The following CENPB variants were observed in gnomAD, a reference collection of about 807,000 sequenced individuals.
CENPB encodes major centromere autoantigen B.
A neutral mutation model predicts 41.9 loss-of-function variants in CENPB; 19 were observed. The observed-to-expected ratio is 0.45, with a 90% CI of 0.32 to 0.67. The LOEUF is 0.67. CENPB is among the 30% of genes least tolerant of loss of function. CENPB has a pLI of 0.04. For missense variants in CENPB, 614 were observed against 816.2 expected, an observed-to-expected ratio of 0.75 and a Z score of 3.02; for synonymous variants, 399 against 354.4, an observed-to-expected ratio of 1.13 and a Z score of -1.41.
In CENPB at chr20:3,785,619, ACT is replaced by A; in HGVS notation, c.863_864del (p.Glu288ValfsTer98). The A allele has an allele frequency of 6.2e-7, 1 of 1,604,262 alleles. No homozygotes were observed. Among genetic ancestry groups the A allele is most frequent in the Non-Finnish European group, 8.5e-7 (1 of 1,175,768 alleles). ...CCGGCCAACAGCAGGACCCGGCGAGACTCTGCAGCCATTCGGGTGTCCAAGGC... is the reference window on the plus strand; with the variant it reads ...CCGGCCAACAGCAGGACCCGGCGAGACTGCAGCCATTCGGGTGTCCAAGGC... ...LKALDTRMAAESRRVLLLAGR... is the reference protein window; with the variant it reads ...LKALDTRMAAXSRRVLLLAGR... On this transcript the variant is annotated frameshift_variant, in exon 1 of 1. Transcript: ENST00000379751. LOFTEE classifies it high-confidence loss of function.
In CENPB at chr20:3,785,934, C is replaced by T; in HGVS notation, c.550G>A (p.Glu184Lys). The T allele has an allele frequency of 1.9e-6, 3 of 1,597,710 alleles. No homozygotes were observed. Among genetic ancestry groups the T allele is most frequent in the Non-Finnish European group, 2.6e-6 (3 of 1,176,146 alleles). ...AACACGTCCTGCGAGGCGTAGCCCT[C>T]GGCCACCGACGGCGGCTGCTCCTCC... ...AREEQPPSVA[E>K]GYASQDVFSA... Residue 184 changes from glutamate (E) to lysine (K), a missense_variant, in exon 1 of 1, where the codon GAG (glutamate) becomes AAG (lysine). By Grantham distance (56) the Glu-to-Lys change is moderately conservative. Transcript: ENST00000379751.
Position 3,785,482 on chromosome 20 carries a change from C to A in CENPB, c.1002G>T (p.Lys334Asn), listed in dbSNP as rs761275404. Residue 334 changes from lysine to asparagine, a missense_variant, in exon 1 of 1, where the codon AAG becomes AAT. This residue lies in a region of CENPB where 537 missense variants were observed against 629.4 expected (regional missense o/e 0.85). Coordinates refer to ENST00000379751, the MANE Select transcript of CENPB (RefSeq NM_001810.6). ...PLERGVVQQV[K>N]GHYRQAMLLK... ...GCAGCATGGCCTGGCGGTAGTGGCC[C>A]TTCACCTGCTGGACCACTCCCCTCT... 33 of 1,591,586 alleles carry A rather than the reference C, an allele frequency of 2.1e-5. No individual in the cohort carries two copies. The highest frequency in any genetic ancestry group is 2.7e-5 in the African/African-American group (2 of 74,600).
rs2088800730 is a variant in CENPB, at chr20:3,784,596, G to A, written c.*88C>T. 4 of 1,473,862 alleles carry A rather than the reference G, an allele frequency of 2.7e-6. No individual in the cohort carries two copies. Among genetic ancestry groups the A allele is most frequent in the Non-Finnish European group, 3.7e-6 (4 of 1,074,620 alleles). The allele number at this position is 1,473,862 out of a possible 1,614,324, so 91.3% of individuals were successfully genotyped here. A position where few individuals can be genotyped will look rare whatever the true frequency, so the allele number is the denominator to read the frequency against. On this transcript the variant is annotated 3_prime_UTR_variant, in exon 1 of 1. Coordinates refer to ENST00000379751, the MANE Select transcript of CENPB (RefSeq NM_001810.6). The surrounding 1 kb of genome is among the most constrained non-coding windows in gnomAD (Gnocchi z 5.2). ...TAAAGGATCTGGGGCTCTGCACTCT[G>A]GCTCCATGCACAGCGGGTGCCCAGA... is the stretch of plus-strand genomic sequence containing the variant.
At position 3,785,972 on chromosome 20, in the gene CENPB, C is replaced by G; in HGVS notation, c.512G>C (p.Gly171Ala). 1 of 1,539,188 alleles carries G rather than the reference C, an allele frequency of 6.5e-7. No homozygotes were observed. The highest frequency in any genetic ancestry group is 1.2e-5 in the South Asian group (1 of 85,086). The change falls in exon 1 of 1, where the codon GGT becomes GCT. Residue 171 changes from glycine (G) to alanine (A), a missense_variant. Transcript: ENST00000379751. The part of the protein sequence containing the change: ...PSEGSGGSTT[G>A]WRAREEQPPS... ...CGGCTGCTCCTCCCGAGCGCGCCAA[C>G]CAGTAGTGCTCCCGCCACTGCCCTC... is the stretch of plus-strand genomic sequence containing the variant.
In CENPB at chr20:3,784,458, T is replaced by C; in HGVS notation, c.*226A>G. On this transcript the variant is annotated 3_prime_UTR_variant, in exon 1 of 1. Transcript: ENST00000379751. This position sits in a 1 kb window ranked among gnomAD's most constrained non-coding sequence, Gnocchi z 5.2. Reference sequence around the variant, plus strand: ...CTGGTCCCCTGAGCCCAGGGCCAAATGGGGAGGAAAGAGGATTCTGAGAAA... The same window carrying C: ...CTGGTCCCCTGAGCCCAGGGCCAAACGGGGAGGAAAGAGGATTCTGAGAAA... The C allele has an allele frequency of 5.5e-6, 3 of 544,718 alleles. No homozygotes were observed. The highest frequency in any genetic ancestry group is 4.1e-5 in the South Asian group (2 of 48,738). 33.7% of individuals were successfully genotyped at this position (544,718 alleles called of 1,614,324 possible).
Position 3,786,142 on chromosome 20 carries a change from G to A in CENPB, c.342C>T (p.Asp114=). ...ALRIAEELGM[D]DFTASNGWLD... Reference sequence around the variant, plus strand: ...GCCAGCCGTTGGAGGCGGTGAAGTCGTCCATGCCCAGCTCCTCGGCTATGC... The same window carrying A: ...GCCAGCCGTTGGAGGCGGTGAAGTCATCCATGCCCAGCTCCTCGGCTATGC... Residue 114 remains aspartate, a synonymous_variant, in exon 1 of 1, where the codon GAC becomes GAT. Coordinates refer to ENST00000379751, the MANE Select transcript of CENPB (RefSeq NM_001810.6). The A allele has an allele frequency of 8.8e-6, 14 of 1,597,976 alleles. No individual in the cohort carries two copies. Among genetic ancestry groups the A allele is most frequent in the Non-Finnish European group, 1.2e-5 (14 of 1,179,164 alleles).
In CENPB at chr20:3,785,075, C is replaced by A; in HGVS notation, c.1409G>T (p.Gly470Val). 1.9e-6 allele frequency: 3 copies of A among 1,613,642 alleles called. 1 individual carries two copies. Among genetic ancestry groups the A allele is most frequent in the South Asian group, 2.2e-5 (2 of 91,014 alleles). Residue 470 changes from glycine to valine, a missense_variant, in exon 1 of 1, where the codon GGC becomes GTC. Physicochemically the swap from Gly to Val is moderately radical, Grantham distance 109. Coordinates refer to ENST00000379751, the MANE Select transcript of CENPB (RefSeq NM_001810.6). ...CTGGGCCCAGTCCTCAGCCTCCAAG[C>A]CCTCCGAGGAGCTCTCCTCATCTTC... ...EEEDEESSSEGLEAEDWAQGV... is the reference protein window; with the variant it reads ...EEEDEESSSEVLEAEDWAQGV...
Position 3,786,268 on chromosome 20 carries a change from A to T in CENPB, c.216T>A (p.Ser72=). The T allele has an allele frequency of 6.2e-7, 1 of 1,607,280 alleles. No individual in the cohort carries two copies. The highest frequency in any genetic ancestry group is 8.5e-7 in the Non-Finnish European group (1 of 1,179,406). ...ASTCRKTNKL[S]PYDKLEGLLI... is the part of the protein sequence containing the mutation. The stretch of plus-strand genomic sequence containing the variant: ...GCAAGCCCTCGAGCTTGTCGTAGGG[A>T]GACAGCTTGTTGGTCTTGCGGCAGG... The change falls in exon 1 of 1, where the codon TCT becomes TCA. Residue 72 remains serine (S), a synonymous_variant. Transcript: ENST00000379751.
Position 3,786,029 on chromosome 20 carries a change from G to A in CENPB, c.455C>T (p.Ala152Val). 2 of 1,421,816 alleles carry A rather than the reference G, an allele frequency of 1.4e-6. No individual in the cohort carries two copies. The highest frequency in any genetic ancestry group is 9.1e-7 in the Non-Finnish European group (1 of 1,101,322). The allele number at this position is 1,421,816 out of a possible 1,614,324, so 88.1% of individuals were successfully genotyped here. ...RARNAAPRTPAAPASPAAVPS... is the reference protein window; with the variant it reads ...RARNAAPRTPVAPASPAAVPS... ...CACCGCGGCCGGACTGGCAGGCGCCGCCGGGGTGCGGGGGGCAGCGTTTCG... is the reference window on the plus strand; with the variant it reads ...CACCGCGGCCGGACTGGCAGGCGCCACCGGGGTGCGGGGGGCAGCGTTTCG... The change falls in exon 1 of 1, where the codon GCG becomes GTG. Residue 152 changes from alanine (A) to valine (V), a missense_variant. This residue lies in a region of CENPB where 537 missense variants were observed against 629.4 expected (regional missense o/e 0.85). Transcript: ENST00000379751.
Position 3,785,872 on chromosome 20 carries a change from C to T in CENPB, c.612G>A (p.Leu204=). 1.2e-6 allele frequency: 2 copies of T among 1,608,594 alleles called. No homozygotes were observed. Among genetic ancestry groups the T allele is most frequent in the Non-Finnish European group, 8.5e-7 (1 of 1,178,526 alleles). ...ATETSLWYDF[L]PDQAAGLCGG... ...CGCACAGCCCCGCGGCCTGGTCGGG[C>T]AGGAAGTCGTACCATAGACTGGTCT... Residue 204 remains leucine, a synonymous_variant, in exon 1 of 1, where the codon CTG becomes CTA. Transcript: ENST00000379751.
At position 3,785,172 on chromosome 20, in the gene CENPB, C is replaced by T. The variant is rs144899160; in HGVS notation, c.1312G>A (p.Glu438Lys). 2,392 of 850,670 alleles carry T rather than the reference C, an allele frequency of 2.8e-3. 2 individuals carry two copies. The highest frequency in any genetic ancestry group is 3.6e-3 in the Non-Finnish European group (2,083 of 572,134). The allele number at this position is 850,670 out of a possible 1,614,324, so 52.7% of individuals were successfully genotyped here. Residue 438 changes from glutamate to lysine, a missense_variant, in exon 1 of 1, where the codon GAA becomes AAA. By Grantham distance (56) the Glu-to-Lys change is moderately conservative. Transcript: ENST00000379751. ...TCTTCCTCCCCCAATTCCTCTCCTT[C>T]CCCCCCTTCCTCCTCCTCCTCCTCC... Reference protein sequence around the residue: ...EGEEEEEEGGEGEELGEEEEV... With the variant: ...EGEEEEEEGGKGEELGEEEEV...
In CENPB at chr20:3,784,409, C is replaced by A; in HGVS notation, c.*275G>T. ...CACTGAGGGCACGGTGTGGTAGCAC[C>A]GGACAGCTCCCCACCCGCCCCACCT... On this transcript the variant is annotated 3_prime_UTR_variant, in exon 1 of 1. Transcript: ENST00000379751. The surrounding 1 kb of genome is among the most constrained non-coding windows in gnomAD (Gnocchi z 5.2). The A allele has an allele frequency of 2.2e-6, 1 of 457,480 alleles. No individual in the cohort carries two copies. Among genetic ancestry groups the A allele is most frequent in the South Asian group, 2.2e-5 (1 of 45,628 alleles). The allele number at this position is 457,480 out of a possible 1,614,324, so 28.3% of individuals were successfully genotyped here. A position where few individuals can be genotyped will look rare whatever the true frequency, so the allele number is the denominator to read the frequency against.
Position 3,785,290 on chromosome 20 carries a change from G to A in CENPB, c.1194C>T (p.Thr398=). 8 of 1,593,774 alleles carry A rather than the reference G, an allele frequency of 5.0e-6. No homozygotes were observed. The highest frequency in any genetic ancestry group is 6.8e-6 in the Non-Finnish European group (8 of 1,172,242). ...CCTCTCCCTCACTCTTGAGGGAAGT[G>A]GTGATGGTGGCATTAGGGCCACCCC... The part of the protein sequence containing the change: ...GFGGGPNATI[T]TSLKSEGEEE... Residue 398 remains threonine, a synonymous_variant, in exon 1 of 1, where the codon ACC becomes ACT. Coordinates refer to ENST00000379751, the MANE Select transcript of CENPB (RefSeq NM_001810.6).
chr20:3,784,746 G>A lies in CENPB; in HGVS notation c.1738C>T (p.His580Tyr), dbSNP rs770202423. The change falls in exon 1 of 1, where the codon CAT (histidine) becomes TAT (tyrosine). Residue 580 changes from histidine (H) to tyrosine (Y), a missense_variant. His to Tyr is a moderately conservative substitution (Grantham distance 83, BLOSUM62 2). Coordinates refer to ENST00000379751, the MANE Select transcript of CENPB (RefSeq NM_001810.6). This position sits in a 1 kb window ranked among gnomAD's most constrained non-coding sequence, Gnocchi z 5.2. ...CTGGCGTGGTTCTTCCTGGTCACAT[G>A]AACCAGATCGTGTTCCAAGTGGAGG... ...HILHLEHDLV[H>Y]VTRKNHARQA... 2 of 1,614,042 alleles carry A rather than the reference G, an allele frequency of 1.2e-6. No individual in the cohort carries two copies. Among genetic ancestry groups the A allele is most frequent in the Admixed American group, 1.7e-5 (1 of 60,002 alleles).
rs529589115 is a variant in CENPB at position 3,783,881 on chromosome 20, G to A, written c.*803C>T. On this transcript the variant is annotated 3_prime_UTR_variant, in exon 1 of 1. Transcript: ENST00000379751. The surrounding 1 kb of genome is among the most constrained non-coding windows in gnomAD (Gnocchi z 4.2). Reference sequence around the variant, plus strand: ...TGTTAAAACGTTCACCCCCACAAAAGGGGAGTGGACAGATTTATTGAAATC... The same window carrying A: ...TGTTAAAACGTTCACCCCCACAAAAAGGGAGTGGACAGATTTATTGAAATC... The A allele has an allele frequency of 1.3e-5, 2 of 152,440 alleles. No individual in the cohort carries two copies. Among genetic ancestry groups the A allele is most frequent in the South Asian group, 4.1e-4 (2 of 4,824 alleles). The allele number at this position is 152,440 out of a possible 1,614,324, so 9.4% of individuals were successfully genotyped here. A position where few individuals can be genotyped will look rare whatever the true frequency, so the allele number is the denominator to read the frequency against.
Position 3,786,536 on chromosome 20 carries a change from G to A in CENPB, c.-53C>T. On this transcript the variant is annotated 5_prime_UTR_variant, in exon 1 of 1. Coordinates refer to ENST00000379751, the MANE Select transcript of CENPB (RefSeq NM_001810.6). ...GGCGCCGCCGCCGCCGCCCCGGGGC[G>A]GGGGGCCCGGGCCCGTGGCGGGGGG... 1 of 342,562 alleles carries A rather than the reference G, an allele frequency of 2.9e-6. No homozygotes were observed. The highest frequency in any genetic ancestry group is 4.0e-6 in the Non-Finnish European group (1 of 246,918). 21.2% of individuals were successfully genotyped at this position (342,562 alleles called of 1,614,324 possible).
At position 3,784,610 on chromosome 20, in the gene CENPB, C is replaced by G; in HGVS notation, c.*74G>C. On this transcript the variant is annotated 3_prime_UTR_variant, in exon 1 of 1. Coordinates refer to ENST00000379751, the MANE Select transcript of CENPB (RefSeq NM_001810.6). The surrounding 1 kb of genome is among the most constrained non-coding windows in gnomAD (Gnocchi z 5.2). Reference sequence around the variant, plus strand: ...CTCTGCACTCTGGCTCCATGCACAGCGGGTGCCCAGAGAGTCCTCTGCCCT... The same window carrying G: ...CTCTGCACTCTGGCTCCATGCACAGGGGGTGCCCAGAGAGTCCTCTGCCCT... 1 of 1,536,644 alleles carries G rather than the reference C, an allele frequency of 6.5e-7. No individual in the cohort carries two copies. The highest frequency in any genetic ancestry group is 8.9e-7 in the Non-Finnish European group (1 of 1,125,086).
At position 3,786,500 on chromosome 20, in the gene CENPB, C is replaced by T; in HGVS notation, c.-17G>A. 1 of 1,111,106 alleles carries T rather than the reference C, an allele frequency of 9.0e-7. No homozygotes were observed. Among genetic ancestry groups the T allele is most frequent in the Non-Finnish European group, 1.1e-6 (1 of 880,528 alleles). 68.8% of individuals were successfully genotyped at this position (1,111,106 alleles called of 1,614,324 possible). A position where few individuals can be genotyped will look rare whatever the true frequency, so the allele number is the denominator to read the frequency against. ...GGGGCCCATCCCGGCGCGCCCCCCGCCCCGGGGCCCGGCGCCGCCGCCGCC... is the reference window on the plus strand; with the variant it reads ...GGGGCCCATCCCGGCGCGCCCCCCGTCCCGGGGCCCGGCGCCGCCGCCGCC... On this transcript the variant is annotated 5_prime_UTR_variant, in exon 1 of 1. Coordinates refer to ENST00000379751, the MANE Select transcript of CENPB (RefSeq NM_001810.6).
chr20:3,785,398 C>T lies in CENPB; in HGVS notation c.1086G>A (p.Thr362=), dbSNP rs1331019158. 3.1e-6 allele frequency: 5 copies of T among 1,600,886 alleles called. No homozygotes were observed. In the East Asian group the frequency reaches 6.8e-5, roughly 22 times the overall value. Residue 362 remains threonine (T), a synonymous_variant, in exon 1 of 1, where the codon ACG becomes ACA. Coordinates refer to ENST00000379751, the MANE Select transcript of CENPB (RefSeq NM_001810.6). ...CGGCAGCCACAAAGTGCAGGGCCTC[C>T]GTGAGACCCAGCTGCAGGCCTGAGG... is the stretch of plus-strand genomic sequence containing the variant. ...QDPSGLQLGL[T]EALHFVAAAW...
Sources: allele counts gnomAD v4.1 joint callset, GRCh38; gene constraint gnomAD v4.1.1; regional missense constraint gnomAD v4.1.1; non-coding constraint Gnocchi (gnomAD v3.1); transcripts MANE v1.5; gene names NCBI Gene and HGNC (gene_info 2026-07-23, HGNC 2026-07-21).